The following TBC1D10A variants were observed in gnomAD, a reference collection of about 807,000 sequenced individuals.
TBC1D10A encodes the protein EBP50-PDX interactor of 64 kDa.
In TBC1D10A, 24 loss-of-function variants were observed where a neutral mutation model predicts 52.9. The ratio of observed to expected loss-of-function variants is 0.45; its 90% CI spans 0.33 to 0.64. The LOEUF is 0.64. TBC1D10A is among the 30% of genes least tolerant of loss of function. TBC1D10A has a pLI of 0.02. For missense variants in TBC1D10A, 602 were observed against 687.9 expected, an observed-to-expected ratio of 0.88 and a Z score of 1.40; for synonymous variants, 278 against 282.9, an observed-to-expected ratio of 0.98 and a Z score of 0.17.
intron 1 of TBC1D10A, among the ~76,000 whole-genome samples, chr22:30,311,666 G>C (rs1044903907): frequency 6.6e-6 from 1 of 152,184 alleles, no homozygotes; most frequent in Non-Finnish European, 1.5e-5. Flanking sequence ...CTCAGTGTGA[G>C]AAATGGTTCC....
chr22:30,317,034 G>A (rs188350920), intron 1 of TBC1D10A, among the ~76,000 whole-genome samples: 1 of 152,192 alleles, frequency 6.6e-6, no homozygotes, highest in Non-Finnish European at 1.5e-5. Context: ...GCCAGACCCT[G>A]TCTCTTAAAA....
intron 1 of TBC1D10A, among the ~76,000 whole-genome samples, chr22:30,308,647 A>G (rs951597665): frequency 6.6e-6 from 1 of 152,194 alleles, no homozygotes; most frequent in Non-Finnish European, 1.5e-5. Flanking sequence ...GCACTTCATT[A>G]CCACTTGCTC....
intron 1 of TBC1D10A, among the ~76,000 whole-genome samples, chr22:30,308,284 A>ATGCCTGCATGCATGCCTGCC (rs1555973977): frequency 0.023 from 2,702 of 119,670 alleles, 95 homozygotes; most frequent in African/African-American, 0.07. Flanking sequence ...CACAGCCTGC[A>ATGCCTGCATGCATGCCTGCC]TGCCTGCATG....
chr22:30,295,968 A>C, intron 3 of TBC1D10A, 125 bp from the exon 4 acceptor site: 1 of 796,110 alleles, frequency 1.3e-6, no homozygotes, highest in Non-Finnish European at 2.0e-6. Flanking sequence ...CAAGCCCATC[A>C]CAGACTGGGC....
intron 4 of TBC1D10A, 52 bp downstream of exon 4, chr22:30,295,685 T>G: frequency 6.3e-7 from 1 of 1,584,060 alleles, no homozygotes; most frequent in Non-Finnish European, 8.7e-7. Context: ...TTAGACCCCT[T>G]AGAGACAGGC....
intron 1 of TBC1D10A, among the ~76,000 whole-genome samples, chr22:30,322,849 C>G (rs544310913): frequency 3.2e-4 from 49 of 151,242 alleles, no homozygotes; most frequent in African/African-American, 1.2e-3. Context: ...CCTGCCTCAG[C>G]CTCCCAAAGT....
chr22:30,321,248 G>C (rs1198290903), intron 1 of TBC1D10A, among the ~76,000 whole-genome samples: 3 of 152,192 alleles, frequency 2.0e-5, no homozygotes, highest in Non-Finnish European at 4.4e-5. Flanking sequence ...GAGAGAAAAT[G>C]GGAGGGCCTG....
chr22:30,307,761 T>C (rs1271986302), intron 1 of TBC1D10A: 1 of 152,240 alleles, frequency 6.6e-6, no homozygotes, highest in African/African-American at 2.4e-5. Context: ...CATGTACCTT[T>C]TGTAATAACC....
At chr22:30,307,278 C>T (rs865854095) in intron 1 of TBC1D10A, among the ~76,000 whole-genome samples, 2 of 152,212 alleles carry the variant, frequency 1.3e-5, no homozygotes, top group African/African-American at 2.4e-5. Context: ...CGGCCTCACT[C>T]ATCCTCCAGA....
At chr22:30,305,902 C>T (rs1345819530) in intron 1 of TBC1D10A, among the ~76,000 whole-genome samples, 1 of 152,208 alleles carries the variant, frequency 6.6e-6, no homozygotes, top group Non-Finnish European at 1.5e-5. Context: ...AGGCACCCCA[C>T]CTTGAACTGC....
At position 30,325,494 on chromosome 22, in the gene TBC1D10A, G is replaced by A. The variant is rs554537973; in HGVS notation, c.209+1179C>T. Among the ~76,000 whole-genome samples, 8 of 152,272 alleles carry A rather than the reference G, an allele frequency of 5.3e-5. No individual in the cohort carries two copies. The South Asian group carries it at 1.7e-3, about 32-fold the overall frequency. On this transcript the variant is annotated intron_variant, in intron 1 of 8. Coordinates refer to ENST00000215790, the MANE Select transcript of TBC1D10A (RefSeq NM_031937.3). ...GCCCCAGGAGCTCCTACTGGTGATT[G>A]GGATGGAAAGCACACATCAGGAGGG...
At chr22:30,311,756 C>T (rs563373852) in intron 1 of TBC1D10A, among the ~76,000 whole-genome samples, 17 of 152,132 alleles carry the variant, frequency 1.1e-4, no homozygotes, top group South Asian at 2.1e-4. Context: ...TAGGGAAGGG[C>T]GTAGACCACA....
At chr22:30,309,471 G>A (rs1024947716) in intron 1 of TBC1D10A, among the ~76,000 whole-genome samples, 20 of 152,110 alleles carry the variant, frequency 1.3e-4, no homozygotes, top group Admixed American at 1.0e-3. Flanking sequence ...TGATCCACCC[G>A]CCTCAGCCTC....
Position 30,297,324 on chromosome 22 carries a change from T to A in TBC1D10A, c.418-1481A>T, listed in dbSNP as rs1416638920. 6.6e-6 allele frequency: 1 copy of A among 152,240 alleles called. No homozygotes were observed. Among genetic ancestry groups the A allele is most frequent in the Non-Finnish European group, 1.5e-5 (1 of 68,082 alleles). The allele number at this position is 152,240 out of a possible 1,614,324, so 9.4% of individuals were successfully genotyped here. ...GTGTACTGTGCACCTCTAAGTACTG[T>A]CTGAGCGCAGTGCAGGTTTGCTTTT... On this transcript the variant is annotated intron_variant, in intron 3 of 8. Coordinates refer to ENST00000215790, the MANE Select transcript of TBC1D10A (RefSeq NM_031937.3). This position sits in a 1 kb window ranked among gnomAD's most constrained non-coding sequence, Gnocchi z 4.3.
intron 1 of TBC1D10A, among the ~76,000 whole-genome samples, chr22:30,313,522 T>C (rs1366427143): frequency 6.8e-6 from 1 of 147,518 alleles, no homozygotes; most frequent in African/African-American, 2.5e-5. Context: ...TAGCTGGGAC[T>C]ACAGGTGTGC....
chr22:30,293,069 A>G, intron 8 of TBC1D10A: 1 of 624,640 alleles, frequency 1.6e-6, no homozygotes, highest in East Asian at 2.7e-5. Context: ...CTCAGAGGAT[A>G]AAGCTGCCCA....
Position 30,293,674 on chromosome 22 carries a change from G to A in TBC1D10A, c.1027C>T (p.Gln343Ter). The A allele has an allele frequency of 3.1e-6, 5 of 1,610,530 alleles. No homozygotes were observed. The highest frequency in any genetic ancestry group is 4.2e-6 in the Non-Finnish European group (5 of 1,177,362). ...ACCTCCTGGACCAGAAAGGCCTCCT[G>A]CATGATCTTGGGGCTGAGGCTCCGC... ...RLRSLSPKIM[Q>*]EAFLVQEVVE... The change falls in exon 8 of 9, where the codon CAG (glutamine) becomes TAG (stop). Residue 343 changes from glutamine (Q) to a stop codon, truncating the protein, a stop_gained. Coordinates refer to ENST00000215790, the MANE Select transcript of TBC1D10A (RefSeq NM_031937.3). LOFTEE classifies it high-confidence loss of function.
intron 1 of TBC1D10A, among the ~76,000 whole-genome samples, chr22:30,311,228 G>GGGTA (rs1156914259): frequency 6.6e-6 from 1 of 152,216 alleles, no homozygotes; most frequent in Admixed American, 6.5e-5. Flanking sequence ...AGGCAGGAGA[G>GGGTA]GGTAGGCTGG....
rs1254687188 is a variant in TBC1D10A at position 30,326,802 on chromosome 22, G to A, written c.80C>T (p.Ala27Val). 3.4e-6 allele frequency: 5 copies of A among 1,489,334 alleles called. No individual in the cohort carries two copies. The African/African-American group carries it at 4.4e-5, about 13-fold the overall frequency. 92.3% of individuals were successfully genotyped at this position (1,489,334 alleles called of 1,614,324 possible). The part of the protein sequence containing the change: ...ESLSGTRESL[A>V]QGPDAATTDE... ...GGTGGTTGCGGCGTCGGGGCCCTGG[G>A]CCAGGCTCTCCCGGGTTCCCGACAG... Residue 27 changes from alanine (A) to valine (V), a missense_variant, in exon 1 of 9, where the codon GCC becomes GTC. By Grantham distance (64) the Ala-to-Val change is moderately conservative. Transcript: ENST00000215790.
Sources: allele counts gnomAD v4.1 joint callset (sites outside exome capture counted in the v4.1 genomes callset), GRCh38; gene constraint gnomAD v4.1.1; non-coding constraint Gnocchi (gnomAD v3.1); transcripts MANE v1.5; gene names NCBI Gene and HGNC (gene_info 2026-07-23, HGNC 2026-07-21).